The following RELB variants were observed in gnomAD, a reference collection of about 807,000 sequenced individuals.
The protein encoded by RELB is transcription factor RelB.
A neutral mutation model predicts 55.4 loss-of-function variants in RELB; 14 were observed. The observed-to-expected ratio is 0.25, with a 90% confidence interval of 0.17 to 0.40. RELB has a LOEUF of 0.40. Among genes scored for constraint, RELB ranks in the 10% least tolerant of loss-of-function variants. The probability of loss-of-function intolerance (pLI) is 1.00; values close to 1 mark genes in which losing one functional copy is unlikely to be tolerated. For missense variants in RELB, 669 were observed against 830.7 expected (o/e 0.81, Z 2.39); for synonymous variants, 409 against 371.3 (o/e 1.10, Z -1.17).
At chr19:45,022,241 C>T in intron 5 of RELB, 31 bp downstream of exon 5, 1 of 1,557,840 alleles carries the variant, frequency 6.4e-7, no homozygotes, top group Non-Finnish European at 8.7e-7. Flanking sequence ...GACCTCTCAT[C>T]CTTGATCATG....
intron 4 of RELB, among the ~76,000 whole-genome samples, chr19:45,014,348 T>C (rs1057261214): frequency 6.6e-6 from 1 of 151,834 alleles, no homozygotes; most frequent in African/African-American, 2.4e-5. Flanking sequence ...TTTTGTATTT[T>C]TTTGAAGAGT....
chr19:45,038,055 C>G lies in RELB; in HGVS notation c.*265C>G. 2.6e-6 allele frequency: 1 copy of G among 387,596 alleles called. No individual in the cohort carries two copies. Among genetic ancestry groups the G allele is most frequent in the East Asian group, 3.8e-5 (1 of 26,408 alleles). The allele number at this position is 387,596 out of a possible 1,614,324, so 24.0% of individuals were successfully genotyped here. The stretch of plus-strand genomic sequence containing the variant: ...CTGCCTCTGTCCCCACATGTGGGGG[C>G]ACCTTCTCCAGTAGGATTCGGAAAA... On this transcript the variant is annotated 3_prime_UTR_variant, in exon 12 of 12. Transcript: ENST00000221452.
chr19:45,003,570 A>G lies in RELB; in HGVS notation c.154+574A>G, dbSNP rs1280378503. ...TTAGAGATTCACTGTGGCTTAGTAG[A>G]AGGTAATCACTGCCATCCTGGGCTT... On this transcript the variant is annotated intron_variant, in intron 2 of 11. Transcript: ENST00000221452. 5.8e-6 allele frequency: 3 copies of G among 517,310 alleles called. 1 individual carries two copies. The highest frequency in any genetic ancestry group is 3.9e-5 in the Admixed American group (2 of 51,314). 32.0% of individuals were successfully genotyped at this position (517,310 alleles called of 1,614,324 possible).
rs773078549 is a variant in RELB, at chr19:45,012,102, C to T, written c.330C>T (p.Pro110=). Residue 110 remains proline (P), a synonymous_variant, in exon 4 of 12, where the codon CCC becomes CCT. Transcript: ENST00000221452. ...PPATPPPWGC[P]LGRLVSPAPG... ...CCACGCCGCCGCCTTGGGGCTGCCCCCTGGGCCGACTAGTGTCCCCAGCGC... is the reference window on the plus strand; with the variant it reads ...CCACGCCGCCGCCTTGGGGCTGCCCTCTGGGCCGACTAGTGTCCCCAGCGC... 5.1e-6 allele frequency: 8 copies of T among 1,556,192 alleles called. No homozygotes were observed. The East Asian group carries it at 2.0e-4, about 39-fold the overall frequency.
intron 1 of RELB, among the ~76,000 whole-genome samples, chr19:45,002,019 G>C (rs985964289): frequency 1.3e-5 from 2 of 150,594 alleles, no homozygotes. Flanking sequence ...CAGAGAGGGA[G>C]AAGAGGGGCG....
At chr19:45,020,178 C>T (rs964156386) in intron 4 of RELB, among the ~76,000 whole-genome samples, 1 of 151,890 alleles carries the variant, frequency 6.6e-6, no homozygotes, top group Non-Finnish European at 1.5e-5. Context: ...ACCTACCACC[C>T]AGGCACCCAG....
At chr19:45,031,858 G>A (rs1389997696) in intron 8 of RELB, among the ~76,000 whole-genome samples, 1 of 151,640 alleles carries the variant, frequency 6.6e-6, no homozygotes, top group Non-Finnish European at 1.5e-5. Context: ...TTATGGGCGT[G>A]AGCCACCGTG....
intron 2 of RELB, 148 bp from the exon 3 acceptor site, chr19:45,009,666 A>G: frequency 1.2e-6 from 1 of 817,480 alleles, no homozygotes; most frequent in Non-Finnish European, 2.0e-6. Context: ...TTAGTGCCCC[A>G]GCAAGTCAGA....
In RELB at chr19:45,028,976, C is replaced by T. The variant is rs61759894; in HGVS notation, c.975C>T (p.Cys325=). The T allele has an allele frequency of 2.2e-4, 343 of 1,585,244 alleles. 2 individuals are homozygous for T. In the South Asian group the frequency reaches 3.0e-3, roughly 14 times the overall value. The part of the protein sequence containing the change: ...CTGGEELYLL[C]DKVQKEDISV... Reference sequence around the variant, plus strand: ...GTGGCGAGGAGCTCTACTTGCTCTGCGACAAGGTGCAGAAAGGTGAGGGGC... The same window carrying T: ...GTGGCGAGGAGCTCTACTTGCTCTGTGACAAGGTGCAGAAAGGTGAGGGGC... The change falls in exon 8 of 12, where the codon TGC becomes TGT. Residue 325 remains cysteine, a synonymous_variant. Transcript: ENST00000221452.
At chr19:45,006,650 T>C (rs1431269581) in intron 2 of RELB, among the ~76,000 whole-genome samples, 1 of 151,988 alleles carries the variant, frequency 6.6e-6, no homozygotes, top group African/African-American at 2.4e-5. Flanking sequence ...ATGTGACATC[T>C]TCATCAGCGC....
At chr19:45,013,802 G>A (rs779684765) in intron 4 of RELB, among the ~76,000 whole-genome samples, 17 of 151,754 alleles carry the variant, frequency 1.1e-4, no homozygotes, top group African/African-American at 1.7e-4. Context: ...ATTGCTCTCC[G>A]GCCTGAGCGA....
At chr19:45,034,187 G>T in intron 9 of RELB, 57 bp from the exon 10 acceptor site, 6 of 1,126,742 alleles carry the variant, frequency 5.3e-6, no homozygotes, top group Non-Finnish European at 7.8e-6. Context: ...AATAAATAAA[G>T]GAATTAATTA....
Position 45,012,267 on chromosome 19 carries a change from C to T in RELB, c.495C>T (p.Pro165=), listed in dbSNP as rs1407697107. The change falls in exon 4 of 12, where the codon CCC becomes CCT. Residue 165 remains proline (P), a synonymous_variant. Coordinates refer to ENST00000221452, the MANE Select transcript of RELB (RefSeq NM_006509.4). The part of the protein sequence containing the change: ...ESSTEASKTL[P]AIELRDCGGL... ...GCACCGAGGCCAGCAAGACGCTGCCCGCCATCGAGGTGGGCCCGGCGAGCG... is the reference window on the plus strand; with the variant it reads ...GCACCGAGGCCAGCAAGACGCTGCCTGCCATCGAGGTGGGCCCGGCGAGCG... The T allele has an allele frequency of 1.1e-5, 16 of 1,411,884 alleles. No homozygotes were observed. The South Asian group carries it at 1.3e-4, about 11-fold the overall frequency. 87.5% of individuals were successfully genotyped at this position (1,411,884 alleles called of 1,614,324 possible). A position where few individuals can be genotyped will look rare whatever the true frequency, so the allele number is the denominator to read the frequency against.
At position 45,032,742 on chromosome 19, in the gene RELB, C is replaced by T. The variant is rs768095546; in HGVS notation, c.1200C>T (p.Arg400=). 51 of 1,603,892 alleles carry T rather than the reference C, an allele frequency of 3.2e-5. No homozygotes were observed. The highest frequency in any genetic ancestry group is 4.5e-5 in the South Asian group (4 of 89,502). ...CATTGCCTTTCACGTACCTGCCTCG[C>T]GACCATGGTAACTACAGCAACCCAG... ...SEPLPFTYLP[R]DHDSYGVDKK... Residue 400 remains arginine, a synonymous_variant, in exon 9 of 12, where the codon CGC becomes CGT. Coordinates refer to ENST00000221452, the MANE Select transcript of RELB (RefSeq NM_006509.4).
At chr19:45,024,766 T>C (rs968820203) in intron 5 of RELB, among the ~76,000 whole-genome samples, 2 of 151,900 alleles carry the variant, frequency 1.3e-5, no homozygotes, top group Non-Finnish European at 2.9e-5. Flanking sequence ...GCCAGGATGG[T>C]GTCCCTCTCT....
At chr19:45,013,810 C>A (rs549959936) in intron 4 of RELB, among the ~76,000 whole-genome samples, 1 of 151,540 alleles carries the variant, frequency 6.6e-6, no homozygotes, top group Admixed American at 6.6e-5. Flanking sequence ...CCGGCCTGAG[C>A]GACAAGAGCA....
chr19:45,022,970 CAGAA>C (rs1404976876), intron 5 of RELB, among the ~76,000 whole-genome samples: 1 of 152,126 alleles, frequency 6.6e-6, no homozygotes, highest in Non-Finnish European at 1.5e-5. Flanking sequence ...TGCAAAGAGA[CAGAA>C]AGGTAGTGAC....
chr19:45,006,676 A>G (rs1971285857), intron 2 of RELB, among the ~76,000 whole-genome samples: 1 of 150,476 alleles, frequency 6.6e-6, no homozygotes, highest in African/African-American at 2.4e-5. Context: ...AAATGATAAA[A>G]CAGGCTGGGT....
chr19:45,012,432 G>A (rs1335280392), intron 4 of RELB, among the ~76,000 whole-genome samples, 156 bp downstream of exon 4: 1 of 152,136 alleles, frequency 6.6e-6, no homozygotes, highest in Admixed American at 6.6e-5. Flanking sequence ...GAATCCAAAA[G>A]GTTCAGAAAA....
Sources: allele counts gnomAD v4.1 joint callset (sites outside exome capture counted in the v4.1 genomes callset), GRCh38; gene constraint gnomAD v4.1.1; transcripts MANE v1.5; gene names NCBI Gene and HGNC (gene_info 2026-07-23, HGNC 2026-07-21).